MRS2: variants seen among roughly 807,000 people sequenced by gnomAD.
MRS2 encodes the protein magnesium transporter MRS2 homolog, mitochondrial.
In MRS2, 40 loss-of-function variants were observed where a neutral mutation model predicts 52.6. The ratio of observed to expected loss-of-function variants is 0.76; its 90% CI spans 0.59 to 0.99. The LOEUF (loss-of-function observed/expected upper bound fraction) is 0.99. Ranked by LOEUF, MRS2 falls within the 50% of genes least tolerant of loss-of-function variation. The probability of loss-of-function intolerance (pLI) is 0.00; values close to 1 mark genes in which losing one functional copy is unlikely to be tolerated. For synonymous variants in MRS2, 193 were observed against 195.9 expected, an observed-to-expected ratio of 0.98 and a Z score of 0.13; for missense variants, 472 against 532.7, an observed-to-expected ratio of 0.89 and a Z score of 1.12.
At position 24,410,804 on chromosome 6, in the gene MRS2, G is replaced by C. The variant is rs552487428; in HGVS notation, c.414+1231G>C. ...CTTTCATGGAGAGACAGACAGGTAT[G>C]TGAAAAAGCAAATTCAGCAGAATGA... On this transcript the variant is annotated intron_variant, in intron 4 of 10. Coordinates refer to ENST00000378386, the MANE Select transcript of MRS2 (RefSeq NM_020662.4). The C allele has an allele frequency of 8.1e-5, 116 of 1,433,008 alleles. No individual in the cohort carries two copies. The African/African-American group carries it at 1.4e-3, about 17-fold the overall frequency. The allele number at this position is 1,433,008 out of a possible 1,614,324, so 88.8% of individuals were successfully genotyped here.
intron 7 of MRS2, 123 bp from the exon 8 acceptor site, chr6:24,417,955 ACAAGAC>A (rs386698087): frequency 2.4e-6 from 1 of 423,746 alleles, no homozygotes; most frequent in East Asian, 8.5e-5. Context: ...AAAAAAAAAG[ACAAGAC>A]AAGACAAAGG....
intron 3 of MRS2, 82 bp downstream of exon 3, chr6:24,408,526 G>C: frequency 2.9e-6 from 3 of 1,039,328 alleles, no homozygotes; most frequent in South Asian, 1.3e-5. Flanking sequence ...AGTATTTTGA[G>C]TAAAATATTC....
Position 24,425,708 on chromosome 6 carries a change from A to G in MRS2, c.*2014A>G, listed in dbSNP as rs1762213066. 1 of 152,214 alleles carries G rather than the reference A, an allele frequency of 6.6e-6. No homozygotes were observed. The highest frequency in any genetic ancestry group is 6.5e-5 in the Admixed American group (1 of 15,278). 9.4% of individuals were successfully genotyped at this position (152,214 alleles called of 1,614,324 possible). ...GAGTAAGCAATCATATCGCCTGTCA[A>G]ACACATCAAGTGTCGAACACGTCAA... On this transcript the variant is annotated 3_prime_UTR_variant, in exon 11 of 11. Transcript: ENST00000378386.
intron 3 of MRS2, 56 bp from the exon 4 acceptor site, chr6:24,409,405 A>G (rs1352358559): frequency 1.8e-6 from 2 of 1,118,150 alleles, no homozygotes; most frequent in African/African-American, 1.6e-5. Flanking sequence ...TCTGATGGAA[A>G]AATCTAAGCC....
intron 3 of MRS2, 69 bp downstream of exon 3, chr6:24,408,513 T>C (rs1365413055): frequency 2.7e-6 from 3 of 1,108,720 alleles, no homozygotes; most frequent in Non-Finnish European, 4.1e-6. Context: ...ATCAAGAAAT[T>C]GTAGTATTTT....
intron 5 of MRS2, 92 bp downstream of exon 5, chr6:24,412,487 T>C: frequency 1.9e-6 from 2 of 1,030,474 alleles, no homozygotes; most frequent in East Asian, 2.6e-5. Context: ...TTCAATGGCA[T>C]GTCCCCTGAC....
chr6:24,412,201 TG>T lies in MRS2; in HGVS notation c.415-19del, dbSNP rs759340180. On this transcript the variant is annotated intron_variant, in intron 4 of 10. Coordinates refer to ENST00000378386, the MANE Select transcript of MRS2 (RefSeq NM_020662.4). ...TATACACTCACATATTTATATGTTTTGGTTTTTTTTTTTTTAACAGTATTTG... is the reference window on the plus strand; with the variant it reads ...TATACACTCACATATTTATATGTTTTGTTTTTTTTTTTTTAACAGTATTTG... The T allele has an allele frequency of 6.7e-6, 9 of 1,351,732 alleles. No individual in the cohort carries two copies. The highest frequency in any genetic ancestry group is 1.4e-5 in the South Asian group (1 of 69,258). 83.7% of individuals were successfully genotyped at this position (1,351,732 alleles called of 1,614,324 possible).
chr6:24,409,259 A>G (rs74877012), intron 3 of MRS2, among the ~76,000 whole-genome samples: 18,651 of 152,200 alleles, frequency 0.12, 1,474 homozygotes, highest in East Asian at 0.16. Flanking sequence ...TATGAGGTAT[A>G]GATAAGAAAA....
chr6:24,413,915 T>C (rs1319140072), intron 5 of MRS2, among the ~76,000 whole-genome samples: 1 of 152,248 alleles, frequency 6.6e-6, no homozygotes, highest in Non-Finnish European at 1.5e-5. Flanking sequence ...GAATATCAAA[T>C]ATCAAACCAT....
At position 24,408,563 on chromosome 6, in the gene MRS2, G is replaced by C. The variant is rs1206621411; in HGVS notation, c.301+119G>C. ...TTGCATATACAGGTGTGTTGAAAGA[G>C]ATCTTTCTTCAGCATTTGTCCATCA... On this transcript the variant is annotated intron_variant, in intron 3 of 10. Coordinates refer to ENST00000378386, the MANE Select transcript of MRS2 (RefSeq NM_020662.4). 11 of 711,406 alleles carry C rather than the reference G, an allele frequency of 1.5e-5. No individual in the cohort carries two copies. In the East Asian group the frequency reaches 2.8e-4, roughly 18 times the overall value. The allele number at this position is 711,406 out of a possible 1,614,324, so 44.1% of individuals were successfully genotyped here.
At chr6:24,404,302 G>A (rs1414450811) in intron 1 of MRS2, among the ~76,000 whole-genome samples, 2 of 152,134 alleles carry the variant, frequency 1.3e-5, no homozygotes, top group East Asian at 3.9e-4. Context: ...TCTAATTTGT[G>A]ACATTAAAAC....
chr6:24,421,779 C>CAA (rs1762049264), intron 9 of MRS2, among the ~76,000 whole-genome samples: 1 of 152,150 alleles, frequency 6.6e-6, no homozygotes, highest in African/African-American at 2.4e-5. Context: ...AGTTATTTTC[C>CAA]AATCTAAAGA....
chr6:24,422,763 T>G (rs1381543779), intron 9 of MRS2, among the ~76,000 whole-genome samples, 174 bp from the exon 10 acceptor site: 3 of 152,172 alleles, frequency 2.0e-5, no homozygotes, highest in African/African-American at 7.2e-5. Context: ...ATCATGTTCT[T>G]CTCCTGCTTT....
At chr6:24,404,265 C>T (rs534026495) in intron 1 of MRS2, among the ~76,000 whole-genome samples, 150 of 152,280 alleles carry the variant, frequency 9.9e-4, no homozygotes, top group Non-Finnish European at 1.4e-3. Context: ...CAAGCATTGA[C>T]GTTCACAATC....
intron 2 of MRS2, among the ~76,000 whole-genome samples, chr6:24,405,540 T>C (rs9393554): frequency 0.39 from 59,594 of 151,666 alleles, 12,202 homozygotes; most frequent in East Asian, 0.76. Context: ...GCAGAAGCAT[T>C]TTGAAGGCAG....
At chr6:24,408,751 G>A (rs575705372) in intron 3 of MRS2, among the ~76,000 whole-genome samples, 1 of 152,216 alleles carries the variant, frequency 6.6e-6, no homozygotes, top group Non-Finnish European at 1.5e-5. Context: ...TTTCTCTTTT[G>A]TCTCTCTTGT....
intron 7 of MRS2, 77 bp downstream of exon 7, chr6:24,416,590 C>G: frequency 2.5e-6 from 2 of 799,700 alleles, no homozygotes; most frequent in Admixed American, 4.6e-5. Context: ...GGTGATTTTT[C>G]ATACAGAATG....
chr6:24,423,501 C>A, intron 10 of MRS2, 83 bp from the exon 11 acceptor site: 1 of 681,756 alleles, frequency 1.5e-6, no homozygotes, highest in South Asian at 2.2e-5. Flanking sequence ...CCTTTCTTCA[C>A]TGAGTAGTTA....
chr6:24,405,354 G>GCTACATGTCT lies in MRS2; in HGVS notation c.264+122_264+123insTCTACATGTC, dbSNP rs1761432420. Reference sequence around the variant, plus strand: ...TATTTTGAGCTTTATAATCATCATAGCTACATGTCGTGGCTGTTGTGCCTG... The same window carrying GCTACATGTCT: ...TATTTTGAGCTTTATAATCATCATAGCTACATGTCTCTACATGTCGTGGCTGTTGTGCCTG... On this transcript the variant is annotated intron_variant, in intron 2 of 10. Transcript: ENST00000378386. 4 of 755,700 alleles carry GCTACATGTCT rather than the reference G, an allele frequency of 5.3e-6. No homozygotes were observed. The African/African-American group carries it at 7.0e-5, about 13-fold the overall frequency. 46.8% of individuals were successfully genotyped at this position (755,700 alleles called of 1,614,324 possible).
Sources: allele counts gnomAD v4.1 joint callset (sites outside exome capture counted in the v4.1 genomes callset), GRCh38; gene constraint gnomAD v4.1.1; transcripts MANE v1.5; gene names NCBI Gene and HGNC (gene_info 2026-07-23, HGNC 2026-07-21).